DKK3: variants seen among roughly 807,000 people sequenced by gnomAD.
DKK3 encodes the protein dickkopf Wnt signaling pathway inhibitor 3, also known as dickkopf-related protein 3.
A neutral mutation model predicts 33.2 loss-of-function variants in DKK3; 22 were observed. The observed-to-expected ratio is 0.66, with a 90% CI of 0.47 to 0.95. The LOEUF (loss-of-function observed/expected upper bound fraction) is 0.95, where lower values mean the gene tolerates loss of function less well. Among genes scored for constraint, DKK3 ranks in the 40% least tolerant of loss-of-function variants. The pLI, the probability that DKK3 is intolerant of heterozygous loss-of-function variation, is 0.00. For missense variants in DKK3, 398 were observed against 458.4 expected (o/e 0.87, Z 1.20); for synonymous variants, 194 against 188.8 (o/e 1.03, Z -0.23).
chr11:11,999,983 G>T (rs901176967), intron 2 of DKK3, among the ~76,000 whole-genome samples: 1 of 152,128 alleles, frequency 6.6e-6, no homozygotes, highest in Non-Finnish European at 1.5e-5. Flanking sequence ...CCTTATGCCA[G>T]CTTTTTATAG....
At chr11:11,988,802 C>T (rs1282458538) in intron 3 of DKK3, among the ~76,000 whole-genome samples, 3 of 152,234 alleles carry the variant, frequency 2.0e-5, no homozygotes, top group Admixed American at 6.5e-5. Flanking sequence ...AGCCTGCATA[C>T]GCCCAGGCCT....
chr11:12,002,213 A>C (rs1848443174), intron 2 of DKK3, 87 bp downstream of exon 2: 4 of 1,415,718 alleles, frequency 2.8e-6, no homozygotes, highest in Non-Finnish European at 2.8e-6. Context: ...CTTGTATATC[A>C]CATATGAAAA....
chr11:11,970,505 A>C (rs1847701688), intron 3 of DKK3, among the ~76,000 whole-genome samples: 1 of 152,238 alleles, frequency 6.6e-6, no homozygotes, highest in Admixed American at 6.5e-5. Flanking sequence ...GCACCCCCAA[A>C]GATGTTCACA....
chr11:11,992,578 A>T (rs1848209742), intron 3 of DKK3, among the ~76,000 whole-genome samples: 1 of 152,054 alleles, frequency 6.6e-6, no homozygotes, highest in African/African-American at 2.4e-5. Context: ...ATCACCTCAC[A>T]CTGGAATAGA....
chr11:11,998,893 G>T, intron 2 of DKK3, 114 bp from the exon 3 acceptor site: 1 of 897,974 alleles, frequency 1.1e-6, no homozygotes, highest in Non-Finnish European at 1.8e-6. Flanking sequence ...CAGTATAGGA[G>T]TCGAAATGCC....
chr11:11,977,098 C>T (rs541146152), intron 3 of DKK3, among the ~76,000 whole-genome samples: 48 of 152,286 alleles, frequency 3.2e-4, no homozygotes, highest in African/African-American at 8.4e-4. Context: ...AGGCCTGGCT[C>T]GCCTGGGGCT....
At position 11,968,504 on chromosome 11, in the gene DKK3, G is replaced by T. The variant is rs59016281; in HGVS notation, c.436-17C>A. The T allele has an allele frequency of 1.1e-3, 1,787 of 1,610,186 alleles. 24 individuals are homozygous for T. In the African/African-American group the frequency reaches 0.022, roughly 20 times the overall value. ...GATGCACTCCTGGGGAAGGGCACAG[G>T]GAGCAGATGTGTCAATGGAGAGCAG... On this transcript the variant is annotated splice_polypyrimidine_tract_variant and intron_variant, in intron 3 of 6. Coordinates refer to ENST00000683431, the MANE Select transcript of DKK3 (RefSeq NM_001018057.2).
chr11:11,986,878 G>A (rs1848081327), intron 3 of DKK3, among the ~76,000 whole-genome samples: 1 of 152,186 alleles, frequency 6.6e-6, no homozygotes, highest in Admixed American at 6.5e-5. Flanking sequence ...CCAGCAAACA[G>A]TAGGTGTCCA....
chr11:12,008,108 G>T lies in DKK3; in HGVS notation c.213+262C>A, dbSNP rs1389734417. On this transcript the variant is annotated intron_variant, in intron 1 of 6. Transcript: ENST00000683431. This position sits in a 1 kb window ranked among gnomAD's most constrained non-coding sequence, Gnocchi z 4.6. ...CTGACGCCAACTGCAGGCAGGTGGT[G>T]GCCCCAGCTACCTAGGGAGGGTCCA... Among the ~76,000 whole-genome samples, 1 of 152,052 alleles carries T rather than the reference G, an allele frequency of 6.6e-6. No individual in the cohort carries two copies. The highest frequency in any genetic ancestry group is 1.9e-4 in the East Asian group (1 of 5,152).
chr11:11,974,302 G>A (rs146797662), intron 3 of DKK3, among the ~76,000 whole-genome samples: 38 of 152,316 alleles, frequency 2.5e-4, no homozygotes, highest in African/African-American at 5.1e-4. Flanking sequence ...TATGCCTCTC[G>A]GATCCTCACA....
rs1847541250 is a variant in DKK3, at chr11:11,964,674, C to T, written c.843G>A (p.Val281=). ...CCACGAAGGTCGGCTTGCACACATA[C>T]ACCAGGCTGTGGCTGGGGAGAGATG... ...LLCQPHSHSL[V]YVCKPTFVGS... The change falls in exon 7 of 7, where the codon GTG becomes GTA. Residue 281 remains valine (V), a synonymous_variant. Coordinates refer to ENST00000683431, the MANE Select transcript of DKK3 (RefSeq NM_001018057.2). 2 of 1,613,862 alleles carry T rather than the reference C, an allele frequency of 1.2e-6. No individual in the cohort carries two copies. Among genetic ancestry groups the T allele is most frequent in the South Asian group, 2.2e-5 (2 of 91,064 alleles).
intron 5 of DKK3, 44 bp from the exon 6 acceptor site, chr11:11,966,009 A>G: frequency 6.4e-7 from 1 of 1,567,850 alleles, no homozygotes; most frequent in Non-Finnish European, 8.6e-7. Flanking sequence ...CGTGTAGGGT[A>G]GAAGGGCTCC....
chr11:11,996,242 T>A (rs979628672), intron 3 of DKK3, among the ~76,000 whole-genome samples: 1 of 152,176 alleles, frequency 6.6e-6, no homozygotes, highest in African/African-American at 2.4e-5. Flanking sequence ...AATGATAGAA[T>A]GAGACAGTGG....
chr11:11,995,283 A>G (rs1848268204), intron 3 of DKK3, among the ~76,000 whole-genome samples: 1 of 151,944 alleles, frequency 6.6e-6, no homozygotes, highest in Non-Finnish European at 1.5e-5. Flanking sequence ...AGGGGTCTCA[A>G]TTTCTTACCC....
At chr11:11,990,192 C>T (rs1848159013) in intron 3 of DKK3, among the ~76,000 whole-genome samples, 1 of 152,232 alleles carries the variant, frequency 6.6e-6, no homozygotes, top group African/African-American at 2.4e-5. Flanking sequence ...GACAGCCACA[C>T]ACCTGCATGG....
chr11:11,997,367 C>T (rs764913226), intron 3 of DKK3, among the ~76,000 whole-genome samples: 1 of 152,194 alleles, frequency 6.6e-6, no homozygotes, highest in Non-Finnish European at 1.5e-5. Context: ...AGATCTGGAA[C>T]ACTCTAAACC....
At chr11:12,009,053 G>T (rs983930610), upstream of DKK3, 16 of 986,902 alleles carry the variant, frequency 1.6e-5, no homozygotes, top group Non-Finnish European at 1.9e-5. Flanking sequence ...GGTGGACCAA[G>T]CACAGGTCAG....
chr11:11,964,193 A>G lies in DKK3; in HGVS notation c.*271T>C, dbSNP rs572195333. ...AACAAACGGCTGTCTGCCAACTGGTAGAGGCAAAGCAGCCAATAATCTGGA... is the reference window on the plus strand; with the variant it reads ...AACAAACGGCTGTCTGCCAACTGGTGGAGGCAAAGCAGCCAATAATCTGGA... On this transcript the variant is annotated 3_prime_UTR_variant, in exon 7 of 7. Transcript: ENST00000683431. 36 of 467,430 alleles carry G rather than the reference A, an allele frequency of 7.7e-5. No individual in the cohort carries two copies. The highest frequency in any genetic ancestry group is 6.8e-4 in the African/African-American group (35 of 51,768). 29.0% of individuals were successfully genotyped at this position (467,430 alleles called of 1,614,324 possible). A position where few individuals can be genotyped will look rare whatever the true frequency, so the allele number is the denominator to read the frequency against.
chr11:11,990,088 A>G (rs1157071638), intron 3 of DKK3, among the ~76,000 whole-genome samples: 1 of 152,226 alleles, frequency 6.6e-6, no homozygotes, highest in Non-Finnish European at 1.5e-5. Context: ...GTAAAGAAGG[A>G]CAGGGCCACA....
Sources: allele counts gnomAD v4.1 joint callset (sites outside exome capture counted in the v4.1 genomes callset), GRCh38; gene constraint gnomAD v4.1.1; non-coding constraint Gnocchi (gnomAD v3.1); transcripts MANE v1.5; gene names NCBI Gene and HGNC (gene_info 2026-07-23, HGNC 2026-07-21).